Variants in ABR observed in about 807,000 individuals in gnomAD.
ABR encodes ABR activator of RhoGEF and GTPase, also known as active breakpoint cluster region-related protein.
In ABR, 35 loss-of-function variants were observed where a neutral mutation model predicts 107.2. That is an observed-to-expected ratio of 0.33 (90% CI 0.25 to 0.43). The LOEUF is 0.43. ABR is among the 20% of genes least tolerant of loss of function. The pLI, the probability that ABR is intolerant of heterozygous loss-of-function variation, is 1.00. For synonymous variants in ABR, 498 were observed against 462.0 expected (o/e 1.08, Z -1.00); for missense variants, 815 against 1,115.2 (o/e 0.73, Z 3.83).
chr17:1,113,801 C>T (rs908074268), intron 2 of ABR, among the ~76,000 whole-genome samples: 1 of 152,166 alleles, frequency 6.6e-6, no homozygotes, highest in Admixed American at 6.5e-5. Context: ...AGAAAGTCTC[C>T]TCTGGTTCCC....
At chr17:1,139,364 G>A (rs1437203493) in intron 1 of ABR, among the ~76,000 whole-genome samples, 3 of 152,136 alleles carry the variant, frequency 2.0e-5, no homozygotes, top group Non-Finnish European at 4.4e-5. Flanking sequence ...CCATTCTCCT[G>A]CCTCAGCCTC....
chr17:1,024,427 G>A (rs1204514158), intron 16 of ABR, among the ~76,000 whole-genome samples: 4 of 152,136 alleles, frequency 2.6e-5, no homozygotes, highest in South Asian at 2.1e-4. Context: ...TCTGAACGTC[G>A]CCCCTCGGCT....
chr17:1,161,008 C>G (rs1471243669), intron 1 of ABR, among the ~76,000 whole-genome samples: 1 of 152,150 alleles, frequency 6.6e-6, no homozygotes, highest in African/African-American at 2.4e-5. Flanking sequence ...TGTCGCTGGA[C>G]CGCCCTGCCT....
chr17:1,020,632 C>T (rs538833855), intron 16 of ABR, among the ~76,000 whole-genome samples: 20 of 152,134 alleles, frequency 1.3e-4, no homozygotes, highest in Non-Finnish European at 2.4e-4. Context: ...TGGTGGAGGT[C>T]GCCTCGCCTT....
rs1261549875 is a variant in ABR at position 1,153,627 on chromosome 17, C to T, written c.61+26040G>A. Among the ~76,000 whole-genome samples, 5 of 87,450 alleles carry T rather than the reference C, an allele frequency of 5.7e-5. 1 individual carries two copies. The highest frequency in any genetic ancestry group is 1.4e-4 in the Non-Finnish European group (5 of 36,080). 57.4% of individuals were successfully genotyped at this position (87,450 alleles called of 152,430 possible). Reference sequence around the variant, plus strand: ...CCTGCGGGAGGGCTGGGGGTCCAGGCACACCTACGGGAGGGCTGGGGACCC... The same window carrying T: ...CCTGCGGGAGGGCTGGGGGTCCAGGTACACCTACGGGAGGGCTGGGGACCC... On this transcript the variant is annotated intron_variant, in intron 1 of 22. Transcript: ENST00000302538.
chr17:1,062,978 G>T (rs1316367571), intron 10 of ABR, among the ~76,000 whole-genome samples: 1 of 143,892 alleles, frequency 6.9e-6, no homozygotes, highest in Non-Finnish European at 1.6e-5. Context: ...TGAACTGAGG[G>T]CTATGCATGT....
chr17:1,084,886 G>A lies in ABR; in HGVS notation c.532-1259C>T, dbSNP rs561506345. 7.3e-5 allele frequency among the ~76,000 whole-genome samples: 11 copies of A among 151,658 alleles called. No individual in the cohort carries two copies. Among genetic ancestry groups the A allele is most frequent in the East Asian group, 5.8e-4 (3 of 5,172 alleles). On this transcript the variant is annotated intron_variant, in intron 4 of 22. Transcript: ENST00000302538. This position sits in a 1 kb window ranked among gnomAD's most constrained non-coding sequence, Gnocchi z 4.2. The stretch of plus-strand genomic sequence containing the variant: ...TACAGTGGTGCGATCTCGGCTCACC[G>A]CAACCTCCCGGATTCAAGGGATTCT...
rs1012994302 is a variant in ABR, at chr17:1,003,534, T to C, written c.*2546A>G. 2 of 152,596 alleles carry C rather than the reference T, an allele frequency of 1.3e-5. No individual in the cohort carries two copies. Among genetic ancestry groups the C allele is most frequent in the Non-Finnish European group, 2.9e-5 (2 of 68,036 alleles). The allele number at this position is 152,596 out of a possible 1,614,324, so 9.5% of individuals were successfully genotyped here. A position where few individuals can be genotyped will look rare whatever the true frequency, so the allele number is the denominator to read the frequency against. On this transcript the variant is annotated 3_prime_UTR_variant, in exon 23 of 23. Coordinates refer to ENST00000302538, the MANE Select transcript of ABR (RefSeq NM_021962.5). ...ACCACAGGGCTGAGTTTTGTGCAAA[T>C]GATGGGGCTTTGCATTTTTTATTAA...
At chr17:1,189,611 CT>C (rs1368532646), upstream of ABR, among the ~76,000 whole-genome samples, 2 of 152,170 alleles carry the variant, frequency 1.3e-5, no homozygotes, top group Non-Finnish European at 2.9e-5. Flanking sequence ...TGCCTTGGAA[CT>C]TTTGCATAGG....
At position 1,053,962 on chromosome 17, in the gene ABR, G is replaced by A. The variant is rs191501747; in HGVS notation, c.1561+2073C>T. On this transcript the variant is annotated intron_variant, in intron 14 of 22. Coordinates refer to ENST00000302538, the MANE Select transcript of ABR (RefSeq NM_021962.5). ...TGGAGAGAGTTCAGGAAGCTTCCAC[G>A]GTAACAAGCAGCCTGAGGGACCGTG... is the stretch of plus-strand genomic sequence containing the variant. 1.4e-4 allele frequency among the ~76,000 whole-genome samples: 21 copies of A among 152,262 alleles called. No homozygotes were observed. The East Asian group carries it at 2.3e-3, about 17-fold the overall frequency.
At chr17:1,189,796 T>C (rs1307366897), upstream of ABR, among the ~76,000 whole-genome samples, 1 of 152,192 alleles carries the variant, frequency 6.6e-6, no homozygotes, top group East Asian at 1.9e-4. Flanking sequence ...AAACGTTCAA[T>C]GCCTGTCTCT....
chr17:1,199,840 AAG>A (rs1256372366), intron 1 of ABR, among the ~76,000 whole-genome samples: 5 of 152,176 alleles, frequency 3.3e-5, no homozygotes, highest in African/African-American at 1.2e-4. Flanking sequence ...TAGACAATAA[AAG>A]AGTAAAATGT....
At position 1,037,369 on chromosome 17, in the gene ABR, C is replaced by T. The variant is rs1225419795; in HGVS notation, c.1791+12681G>A. Among the ~76,000 whole-genome samples, 1 of 152,132 alleles carries T rather than the reference C, an allele frequency of 6.6e-6. No individual in the cohort carries two copies. The highest frequency in any genetic ancestry group is 1.5e-5 in the Non-Finnish European group (1 of 68,026). Reference sequence around the variant, plus strand: ...GCCTGACCTCCAGCCTCTCTCTGGCCACGTCAGGCTGGTGTCGCCAGGGTG... The same window carrying T: ...GCCTGACCTCCAGCCTCTCTCTGGCTACGTCAGGCTGGTGTCGCCAGGGTG... On this transcript the variant is annotated intron_variant, in intron 16 of 22. Coordinates refer to ENST00000302538, the MANE Select transcript of ABR (RefSeq NM_021962.5). This position sits in a 1 kb window ranked among gnomAD's most constrained non-coding sequence, Gnocchi z 4.6.
At chr17:1,227,152 C>G (rs1342708904) in intron 1 of ABR, among the ~76,000 whole-genome samples, 3 of 152,166 alleles carry the variant, frequency 2.0e-5, no homozygotes, top group Non-Finnish European at 4.4e-5. Flanking sequence ...TTTTGCAATT[C>G]CCAGGGGCAG....
At chr17:1,017,655 A>T (rs2071267485) in intron 16 of ABR, among the ~76,000 whole-genome samples, 1 of 151,540 alleles carries the variant, frequency 6.6e-6, no homozygotes, top group Non-Finnish European at 1.5e-5. Context: ...TTTAGTAGAG[A>T]CAGGGTTTCA....
intron 2 of ABR, chr17:1,109,228 C>A (rs2038492351): frequency 3.0e-6 from 3 of 984,424 alleles, no homozygotes; most frequent in Non-Finnish European, 4.1e-6. Flanking sequence ...CCTAGTCCAG[C>A]CCGCTCCGCC....
In ABR at chr17:1,007,153, G is replaced by C; in HGVS notation, c.2490+12C>G. The stretch of plus-strand genomic sequence containing the variant: ...CCTCCGCCAGCCACGGGCCCGGGCG[G>C]TGCCAGGGTACCTGCGCCATGACGT... On this transcript the variant is annotated intron_variant, in intron 22 of 22. Coordinates refer to ENST00000302538, the MANE Select transcript of ABR (RefSeq NM_021962.5). 1 of 1,606,596 alleles carries C rather than the reference G, an allele frequency of 6.2e-7. No homozygotes were observed. Among genetic ancestry groups the C allele is most frequent in the Non-Finnish European group, 8.5e-7 (1 of 1,177,176 alleles).
In ABR at chr17:1,040,200, C is replaced by T. The variant is rs139516735; in HGVS notation, c.1791+9850G>A. 6.8e-3 allele frequency among the ~76,000 whole-genome samples: 1,031 copies of T among 152,242 alleles called. 9 individuals are homozygous for T. Among genetic ancestry groups the T allele is most frequent in the African/African-American group, 0.023 (971 of 41,540 alleles). Reference sequence around the variant, plus strand: ...GGCTCACAACCCAGGGCCCCCAGGACGCACGCGCAGGACCCTCAGGCAGGG... The same window carrying T: ...GGCTCACAACCCAGGGCCCCCAGGATGCACGCGCAGGACCCTCAGGCAGGG... On this transcript the variant is annotated intron_variant, in intron 16 of 22. Coordinates refer to ENST00000302538, the MANE Select transcript of ABR (RefSeq NM_021962.5).
chr17:1,170,154 G>A (rs1432554880), intron 1 of ABR, among the ~76,000 whole-genome samples: 1 of 152,196 alleles, frequency 6.6e-6, no homozygotes, highest in African/African-American at 2.4e-5. Context: ...CCCAGTTGGT[G>A]GATGCTCCCA....
Sources: allele counts gnomAD v4.1 joint callset (sites outside exome capture counted in the v4.1 genomes callset), GRCh38; gene constraint gnomAD v4.1.1; non-coding constraint Gnocchi (gnomAD v3.1); transcripts MANE v1.5; gene names NCBI Gene and HGNC (gene_info 2026-07-23, HGNC 2026-07-21).